PRDM16: variants seen among roughly 807,000 people sequenced by gnomAD.
PRDM16 encodes the protein histone-lysine N-methyltransferase PRDM16.
PRDM16 carries 23 observed loss-of-function variants against 110.6 expected under a neutral mutation model. That is an observed-to-expected ratio of 0.21 (90% CI 0.15 to 0.29). PRDM16 has a LOEUF of 0.29. Among genes scored for constraint, PRDM16 ranks in the 10% least tolerant of loss-of-function variants. The pLI is 1.00. For missense variants in PRDM16, 1,615 were observed against 1,794.3 expected (o/e 0.90, Z 1.81); for synonymous variants, 799 against 781.8 (o/e 1.02, Z -0.37).
At chr1:3,086,562 A>G (rs1557435646) in intron 1 of PRDM16, among the ~76,000 whole-genome samples, 1 of 151,796 alleles carries the variant, frequency 6.6e-6, no homozygotes, top group East Asian at 1.9e-4. Flanking sequence ...CTGCCTTGTC[A>G]TCTGGATGCT....
At chr1:3,310,817 T>C (rs1271022539) in intron 3 of PRDM16, among the ~76,000 whole-genome samples, 2 of 152,096 alleles carry the variant, frequency 1.3e-5, no homozygotes, top group Non-Finnish European at 2.9e-5. Flanking sequence ...TGTATGTGCA[T>C]GTGTGTGCTG....
intron 1 of PRDM16, among the ~76,000 whole-genome samples, chr1:3,072,135 C>G (rs1367987392): frequency 1.3e-5 from 2 of 152,066 alleles, no homozygotes; most frequent in Admixed American, 1.3e-4. Flanking sequence ...CAGGGTCCCC[C>G]CTACTGAAGC....
rs1289848381 is a variant in PRDM16, at chr1:3,213,938, C to CCAAG, written c.387+27466_387+27467insAGCA. On this transcript the variant is annotated intron_variant, in intron 2 of 16. Coordinates refer to ENST00000270722, the MANE Select transcript of PRDM16 (RefSeq NM_022114.4). This position sits in a 1 kb window ranked among gnomAD's most constrained non-coding sequence, Gnocchi z 5.3. ...GAAGCACGCGGGTGACAGGGTGTGG[C>CCAAG]CAGTGCACCAAGCAGAACGGCCAGG... Among the ~76,000 whole-genome samples, 32 of 152,066 alleles carry CCAAG rather than the reference C, an allele frequency of 2.1e-4. No individual in the cohort carries two copies. Among genetic ancestry groups the CCAAG allele is most frequent in the African/African-American group, 7.5e-4 (31 of 41,464 alleles).
At chr1:3,103,487 C>T (rs1642578625) in intron 1 of PRDM16, among the ~76,000 whole-genome samples, 2 of 152,046 alleles carry the variant, frequency 1.3e-5, no homozygotes, top group Admixed American at 1.3e-4. Flanking sequence ...TGCCCTTCCT[C>T]GAAATGTCGT....
intron 2 of PRDM16, among the ~76,000 whole-genome samples, chr1:3,229,965 C>T (rs1428663929): frequency 1.3e-5 from 2 of 152,212 alleles, no homozygotes; most frequent in African/African-American, 2.4e-5. Context: ...GTGCAGGTGT[C>T]GGGACCAAAA....
rs1257180711 is a variant in PRDM16, at chr1:3,370,066, T to C, written c.439-15086T>C. Among the ~76,000 whole-genome samples, 1 of 152,094 alleles carries C rather than the reference T, an allele frequency of 6.6e-6. No individual in the cohort carries two copies. The highest frequency in any genetic ancestry group is 2.4e-5 in the African/African-American group (1 of 41,414). On this transcript the variant is annotated intron_variant, in intron 3 of 16. Transcript: ENST00000270722. This position sits in a 1 kb window ranked among gnomAD's most constrained non-coding sequence, Gnocchi z 4.8. The stretch of plus-strand genomic sequence containing the variant: ...AGTCAGCTGCAGGGAAGGCACTAAA[T>C]ATAACTGGGCTGGATCCATCCTGGC...
intron 6 of PRDM16, among the ~76,000 whole-genome samples, chr1:3,403,877 C>T (rs956922081): frequency 1.3e-5 from 2 of 152,202 alleles, no homozygotes; most frequent in East Asian, 3.9e-4. Context: ...CGCCCATCCC[C>T]GCACCGCTCC....
At position 3,265,826 on chromosome 1, in the gene PRDM16, C is replaced by T. The variant is rs546216670; in HGVS notation, c.438+21689C>T. ...CCCTAGGAGCCCCCAGACCCTGCCT[C>T]AGTGGGTCGTGCCCAGGTCCTTCGC... On this transcript the variant is annotated intron_variant, in intron 3 of 16. Coordinates refer to ENST00000270722, the MANE Select transcript of PRDM16 (RefSeq NM_022114.4). This position sits in a 1 kb window ranked among gnomAD's most constrained non-coding sequence, Gnocchi z 4.5. Among the ~76,000 whole-genome samples, 2 of 152,136 alleles carry T rather than the reference C, an allele frequency of 1.3e-5. No individual in the cohort carries two copies. The highest frequency in any genetic ancestry group is 2.9e-5 in the Non-Finnish European group (2 of 67,996).
At chr1:3,252,249 C>T (rs1358890503) in intron 3 of PRDM16, among the ~76,000 whole-genome samples, 3 of 152,224 alleles carry the variant, frequency 2.0e-5, no homozygotes, top group South Asian at 2.1e-4. Flanking sequence ...CTCCCGGCTC[C>T]GAGGGCCAGC....
intron 2 of PRDM16, among the ~76,000 whole-genome samples, chr1:3,217,344 G>A (rs920469079): frequency 1.3e-5 from 2 of 152,234 alleles, no homozygotes; most frequent in Non-Finnish European, 2.9e-5. Context: ...TTCAGAAGAC[G>A]CTGCAGCAGC....
At chr1:3,155,397 T>G (rs1261218647) in intron 1 of PRDM16, among the ~76,000 whole-genome samples, 1 of 152,236 alleles carries the variant, frequency 6.6e-6, no homozygotes, top group East Asian at 1.9e-4. Flanking sequence ...GGTTCGGGTT[T>G]GCGGTGTTAT....
chr1:3,217,164 C>A (rs1639047328), intron 2 of PRDM16, among the ~76,000 whole-genome samples: 1 of 152,264 alleles, frequency 6.6e-6, no homozygotes, highest in African/African-American at 2.4e-5. Flanking sequence ...ACACCTTTCA[C>A]CGTGAAACGG....
intron 4 of PRDM16, chr1:3,387,054 CAT>C (rs1042398856): frequency 1.3e-5 from 2 of 152,182 alleles, no homozygotes; most frequent in African/African-American, 4.8e-5. Flanking sequence ...TTTAGCTACA[CAT>C]GAGGTCCAAA....
At chr1:3,240,577 A>G (rs1236306633) in intron 2 of PRDM16, among the ~76,000 whole-genome samples, 2 of 152,154 alleles carry the variant, frequency 1.3e-5, no homozygotes, top group African/African-American at 2.4e-5. Flanking sequence ...TCCCGCTGGT[A>G]TGGAAGCAGC....
rs76907525 is a variant in PRDM16, at chr1:3,261,027, C to T, written c.438+16890C>T. Among the ~76,000 whole-genome samples, 2,068 of 151,154 alleles carry T rather than the reference C, an allele frequency of 0.014. 131 individuals carry two copies. The East Asian group carries it at 0.19, about 14-fold the overall frequency. ...CTGCCTTGGCAACAGAGGGTAGACA[C>T]TCTGTTCCCCACTCAAGTTCCTGGG... On this transcript the variant is annotated intron_variant, in intron 3 of 16. Transcript: ENST00000270722.
chr1:3,316,897 A>G (rs1022189386), intron 3 of PRDM16, among the ~76,000 whole-genome samples: 2 of 152,218 alleles, frequency 1.3e-5, no homozygotes, highest in African/African-American at 4.8e-5. Flanking sequence ...TGTAGCCAGG[A>G]AGCCGATCAG....
At chr1:3,228,898 T>C (rs1324394138) in intron 2 of PRDM16, among the ~76,000 whole-genome samples, 2 of 152,204 alleles carry the variant, frequency 1.3e-5, no homozygotes, top group Non-Finnish European at 2.9e-5. Context: ...GCTTGCCTGG[T>C]TCACAGCCGG....
chr1:3,247,701 T>C (rs1639820553), intron 3 of PRDM16, among the ~76,000 whole-genome samples: 1 of 152,244 alleles, frequency 6.6e-6, no homozygotes. Context: ...TGGCCCGCGC[T>C]CGCTCTGGTG....
intron 1 of PRDM16, among the ~76,000 whole-genome samples, chr1:3,167,378 G>A (rs1643969683): frequency 1.3e-5 from 2 of 152,158 alleles, no homozygotes; most frequent in Non-Finnish European, 2.9e-5. Context: ...CTGCGTGGGA[G>A]AGCCTCAGGG....
Sources: gnomAD v4.1 joint callset for allele counts (sites outside exome capture counted in the v4.1 genomes callset) on GRCh38, gnomAD v4.1.1 for gene constraint, Gnocchi (gnomAD v3.1) non-coding constraint, MANE v1.5 for transcripts, NCBI Gene and HGNC (gene_info 2026-07-23, HGNC 2026-07-21) for gene names.